FOXP4: variants seen among roughly 807,000 people sequenced by gnomAD.
FOXP4 encodes forkhead box protein P4.
In FOXP4, 25 loss-of-function variants were observed where a neutral mutation model predicts 82.6. That is an observed-to-expected ratio of 0.30 (90% CI 0.22 to 0.42). The LOEUF (loss-of-function observed/expected upper bound fraction) is 0.42. FOXP4 is among the 10% of genes least tolerant of loss of function. The pLI is 1.00. For synonymous variants in FOXP4, 415 were observed against 388.2 expected (o/e 1.07, Z -0.81); for missense variants, 785 against 900.9 (o/e 0.87, Z 1.65).
In FOXP4 at chr6:41,593,853, C is replaced by T. The variant is rs1046471942; in HGVS notation, c.1537-1017C>T. Among the ~76,000 whole-genome samples, 5 of 152,324 alleles carry T rather than the reference C, an allele frequency of 3.3e-5. No homozygotes were observed. The East Asian group carries it at 9.6e-4, about 29-fold the overall frequency. On this transcript the variant is annotated intron_variant, in intron 13 of 16. Coordinates refer to ENST00000307972, the MANE Select transcript of FOXP4 (RefSeq NM_001012426.2). This position sits in a 1 kb window ranked among gnomAD's most constrained non-coding sequence, Gnocchi z 4.1. ...GAGGGATCTCCAGGGGCACGGGCTGCCTGCCCTACCCGCTTTCTTCCCCGT... is the reference window on the plus strand; with the variant it reads ...GAGGGATCTCCAGGGGCACGGGCTGTCTGCCCTACCCGCTTTCTTCCCCGT...
intron 13 of FOXP4, among the ~76,000 whole-genome samples, chr6:41,594,479 CG>C (rs1766706892): frequency 1.3e-5 from 2 of 152,120 alleles, no homozygotes; most frequent in South Asian, 4.1e-4. Context: ...GCAGAGATGC[CG>C]GGGCCCGAAT....
In FOXP4 at chr6:41,578,100, C is replaced by T. The variant is rs1172419516; in HGVS notation, c.300+19C>T. 4.4e-6 allele frequency: 7 copies of T among 1,604,932 alleles called. No individual in the cohort carries two copies. In the Admixed American group the frequency reaches 8.4e-5, roughly 19 times the overall value. On this transcript the variant is annotated intron_variant, in intron 3 of 16. Transcript: ENST00000307972. ...TGTGCAGGTGAGGAAGAGAGCACCCCGCTGGCTCTGGGTTGGGCTGGAGTG... is the reference window on the plus strand; with the variant it reads ...TGTGCAGGTGAGGAAGAGAGCACCCTGCTGGCTCTGGGTTGGGCTGGAGTG...
chr6:41,561,877 T>A (rs1764601116), intron 1 of FOXP4, among the ~76,000 whole-genome samples: 1 of 152,160 alleles, frequency 6.6e-6, no homozygotes, highest in Non-Finnish European at 1.5e-5. Flanking sequence ...CACAATGGTG[T>A]GTGGCTGAGC....
chr6:41,563,802 T>G (rs755347452), intron 1 of FOXP4, among the ~76,000 whole-genome samples: 12 of 152,234 alleles, frequency 7.9e-5, no homozygotes, highest in Non-Finnish European at 1.6e-4. Flanking sequence ...CATCCGTGGA[T>G]TCAATCCACC....
rs868522555 is a variant in FOXP4, at chr6:41,546,462, G to T, written c.-422G>T. ...GGACCGGACAGTGCGGCCGGCGGCC[G>T]GCGGCCGGGACGGAGCCCCCAGCCC... is the stretch of plus-strand genomic sequence containing the variant. On this transcript the variant is annotated 5_prime_UTR_variant, in exon 1 of 17. Transcript: ENST00000307972. 12 of 149,874 alleles carry T rather than the reference G, an allele frequency of 8.0e-5. No homozygotes were observed. In the South Asian group the frequency reaches 1.4e-3, roughly 18 times the overall value. The allele number at this position is 149,874 out of a possible 1,614,324, so 9.3% of individuals were successfully genotyped here.
intron 3 of FOXP4, among the ~76,000 whole-genome samples, chr6:41,584,343 A>G (rs1186835655): frequency 2.0e-5 from 3 of 152,344 alleles, no homozygotes; most frequent in East Asian, 1.9e-4. Context: ...GCGTGAGACT[A>G]TGGGTGGCCT....
At chr6:41,567,469 A>G (rs554360257) in intron 2 of FOXP4, among the ~76,000 whole-genome samples, 2 of 152,276 alleles carry the variant, frequency 1.3e-5, no homozygotes, top group African/African-American at 4.8e-5. Context: ...TTTGCTGGGG[A>G]CAGAAGGTTA....
Position 41,587,408 on chromosome 6 carries a change from C to T in FOXP4, c.768C>T (p.Ala256=), listed in dbSNP as rs762700013. ...KQEGLDLTGT[A]ATATSFAAPP... is the part of the protein sequence containing the mutation. The stretch of plus-strand genomic sequence containing the variant: ...AGGGGCTGGACCTCACTGGCACGGC[C>T]GCCACCGCTACCTCGTTTGCCGCTC... Residue 256 remains alanine (A), a synonymous_variant, in exon 7 of 17, where the codon GCC becomes GCT. Coordinates refer to ENST00000307972, the MANE Select transcript of FOXP4 (RefSeq NM_001012426.2). The T allele has an allele frequency of 2.1e-5, 33 of 1,588,228 alleles. No individual in the cohort carries two copies. Among genetic ancestry groups the T allele is most frequent in the Middle Eastern group, 1.7e-4 (1 of 5,928 alleles).
intron 1 of FOXP4, among the ~76,000 whole-genome samples, chr6:41,562,306 G>A (rs1764629823): frequency 6.6e-6 from 1 of 152,138 alleles, no homozygotes; most frequent in Non-Finnish European, 1.5e-5. Flanking sequence ...GGCAGAGCAT[G>A]CCACATGGGA....
At chr6:41,581,088 A>G (rs1222689416) in intron 3 of FOXP4, among the ~76,000 whole-genome samples, 1 of 152,168 alleles carries the variant, frequency 6.6e-6, no homozygotes. Context: ...GTCCATCCCC[A>G]TCTGGCATTT....
At chr6:41,565,573 A>G (rs1454161580) in intron 1 of FOXP4, among the ~76,000 whole-genome samples, 172 bp from the exon 2 acceptor site, 1 of 152,134 alleles carries the variant, frequency 6.6e-6, no homozygotes, top group Non-Finnish European at 1.5e-5. Flanking sequence ...CTGGGGGGAC[A>G]TCGGGAGGAG....
At position 41,601,200 on chromosome 6, in the gene FOXP4, C is replaced by G. The variant is rs1293946511; in HGVS notation, c.*2264C>G. ...CCCACGTGGCACACTGTGTGGTGAC[C>G]ATGGTCATCATAGTGGGCTCACGGC... On this transcript the variant is annotated 3_prime_UTR_variant, in exon 17 of 17. Transcript: ENST00000307972. The G allele has an allele frequency of 1.3e-5, 2 of 152,260 alleles. No homozygotes were observed. The highest frequency in any genetic ancestry group is 4.8e-5 in the African/African-American group (2 of 41,434). 9.4% of individuals were successfully genotyped at this position (152,260 alleles called of 1,614,324 possible). A position where few individuals can be genotyped will look rare whatever the true frequency, so the allele number is the denominator to read the frequency against.
intron 1 of FOXP4, among the ~76,000 whole-genome samples, chr6:41,560,187 C>T (rs926312555): frequency 6.6e-6 from 1 of 152,166 alleles, no homozygotes; most frequent in African/African-American, 2.4e-5. Context: ...AATCCCAGCA[C>T]TTTGGGAGAC....
intron 9 of FOXP4, 74 bp from the exon 10 acceptor site, chr6:41,589,697 C>T (rs776986000): frequency 1.7e-5 from 25 of 1,458,308 alleles, no homozygotes; most frequent in East Asian, 6.9e-5. Context: ...AAGAGCCTGG[C>T]GGTGGAGGGG....
Position 41,587,363 on chromosome 6 carries a change from C to G in FOXP4, c.723C>G (p.Ala241=). The part of the protein sequence containing the change: ...WKGEGAPGQP[A]EDSVKQEGLD... ...GCGAGGGTGCCCCCGGGCAGCCTGC[C>G]GAGGACAGCGTCAAGCAGGAGGGGC... Residue 241 remains alanine (A), a synonymous_variant, in exon 7 of 17, where the codon GCC becomes GCG. Transcript: ENST00000307972. 6.2e-7 allele frequency: 1 copy of G among 1,608,324 alleles called. No homozygotes were observed. The highest frequency in any genetic ancestry group is 8.5e-7 in the Non-Finnish European group (1 of 1,177,152).
chr6:41,559,815 C>CA (rs1764465844), intron 1 of FOXP4, among the ~76,000 whole-genome samples: 1 of 152,180 alleles, frequency 6.6e-6, no homozygotes, highest in Non-Finnish European at 1.5e-5. Context: ...TCAGCATCAC[C>CA]TAGGAACTTC....
chr6:41,574,131 G>T (rs968107543), intron 2 of FOXP4, among the ~76,000 whole-genome samples: 2 of 152,168 alleles, frequency 1.3e-5, no homozygotes, highest in East Asian at 3.8e-4. Flanking sequence ...ACTGAGCCCA[G>T]TTTTCCCCTG....
intron 2 of FOXP4, 107 bp downstream of exon 2, chr6:41,566,071 C>T (rs1049187820): frequency 8.1e-7 from 1 of 1,233,522 alleles, no homozygotes. Context: ...GGCAGCCTCA[C>T]TTTACCATTC....
rs1274876684 is a variant in FOXP4, at chr6:41,599,533, T to G, written c.*597T>G. 2 of 152,748 alleles carry G rather than the reference T, an allele frequency of 1.3e-5. No individual in the cohort carries two copies. The highest frequency in any genetic ancestry group is 2.9e-5 in the Non-Finnish European group (2 of 68,412). The allele number at this position is 152,748 out of a possible 1,614,324, so 9.5% of individuals were successfully genotyped here. A position where few individuals can be genotyped will look rare whatever the true frequency, so the allele number is the denominator to read the frequency against. On this transcript the variant is annotated 3_prime_UTR_variant, in exon 17 of 17. Transcript: ENST00000307972. ...CTGGGGTGGGACTGTCTGTGTGCCC[T>G]GTGGGGGTCCGTGTGAGCAGGCCCA...
Sources: gnomAD v4.1 joint callset for allele counts (sites outside exome capture counted in the v4.1 genomes callset) on GRCh38, gnomAD v4.1.1 for gene constraint, Gnocchi (gnomAD v3.1) non-coding constraint, MANE v1.5 for transcripts, NCBI Gene and HGNC (gene_info 2026-07-23, HGNC 2026-07-21) for gene names.